NRXN3: variants seen among roughly 807,000 people sequenced by gnomAD.
NRXN3 encodes the protein neurexin 3.
A neutral mutation model predicts 137.6 loss-of-function variants in NRXN3; 32 were observed. That is an observed-to-expected ratio of 0.23 (90% CI 0.18 to 0.31). The LOEUF is 0.31. Among genes scored for constraint, NRXN3 ranks in the 10% least tolerant of loss-of-function variants. The pLI, the probability that NRXN3 is intolerant of heterozygous loss-of-function variation, is 1.00. For synonymous variants in NRXN3, 798 were observed against 784.5 expected (o/e 1.02, Z -0.29); for missense variants, 1,574 against 2,062.5 (o/e 0.76, Z 4.59).
chr14:78,722,627 T>C (rs2098465254), intron 8 of NRXN3, among the ~76,000 whole-genome samples: 1 of 152,194 alleles, frequency 6.6e-6, no homozygotes, highest in Admixed American at 6.5e-5. Context: ...TCTTAATATA[T>C]ACTGAGTCAT....
intron 16 of NRXN3, among the ~76,000 whole-genome samples, chr14:79,471,963 A>G (rs1259449247): frequency 6.6e-6 from 1 of 152,120 alleles, no homozygotes; most frequent in South Asian, 2.1e-4. Context: ...AATATCCATT[A>G]GTTATTTTTC....
intron 16 of NRXN3, among the ~76,000 whole-genome samples, chr14:79,484,165 C>T (rs576934566): frequency 1.3e-5 from 2 of 152,284 alleles, no homozygotes; most frequent in African/African-American, 4.8e-5. Flanking sequence ...GAGTCATTCC[C>T]ATTGCCCCAG....
At chr14:78,788,413 G>A (rs1567312980) in intron 8 of NRXN3, among the ~76,000 whole-genome samples, 1 of 152,144 alleles carries the variant, frequency 6.6e-6, no homozygotes, top group South Asian at 2.1e-4. Flanking sequence ...TTTGCACCTT[G>A]GAATGTGATT....
intron 15 of NRXN3, among the ~76,000 whole-genome samples, chr14:79,159,898 C>A (rs186044992): frequency 8.6e-5 from 13 of 151,956 alleles, no homozygotes; most frequent in African/African-American, 3.1e-4. Context: ...TTCTTATATG[C>A]GTTTTCCACG....
chr14:78,801,198 G>T (rs2098837702), intron 8 of NRXN3, among the ~76,000 whole-genome samples: 1 of 152,146 alleles, frequency 6.6e-6, no homozygotes, highest in Non-Finnish European at 1.5e-5. Context: ...GCAGGTGCCT[G>T]TAGTCCCAGC....
intron 15 of NRXN3, among the ~76,000 whole-genome samples, chr14:78,990,708 G>A (rs976829909): frequency 5.3e-5 from 8 of 152,148 alleles, no homozygotes; most frequent in South Asian, 2.1e-4. Context: ...CATATAGGAT[G>A]TGACTGTGAA....
chr14:78,961,577 G>A (rs552348243), intron 11 of NRXN3, among the ~76,000 whole-genome samples: 12 of 152,292 alleles, frequency 7.9e-5, no homozygotes, highest in Non-Finnish European at 1.0e-4. Flanking sequence ...AATAGCGCAC[G>A]GTTTAAGCCA....
intron 16 of NRXN3, among the ~76,000 whole-genome samples, chr14:79,500,797 G>T (rs190974856): frequency 2.6e-4 from 39 of 152,252 alleles, no homozygotes; most frequent in Non-Finnish European, 4.7e-4. Flanking sequence ...ATATATCCTA[G>T]AACTAAATAT....
intron 19 of NRXN3, among the ~76,000 whole-genome samples, chr14:79,804,410 A>G (rs1240380476): frequency 1.3e-5 from 2 of 152,176 alleles, no homozygotes; most frequent in African/African-American, 2.4e-5. Flanking sequence ...TGCGAGACTC[A>G]GAATTTAAAA....
chr14:79,307,938 G>A (rs1251485411), intron 15 of NRXN3, among the ~76,000 whole-genome samples: 2 of 152,018 alleles, frequency 1.3e-5, no homozygotes, highest in African/African-American at 2.4e-5. Flanking sequence ...CTAAAAGTCC[G>A]AGATCAAGGT....
At chr14:78,358,704 A>G (rs537696005) in intron 4 of NRXN3, among the ~76,000 whole-genome samples, 1 of 152,180 alleles carries the variant, frequency 6.6e-6, no homozygotes, top group Non-Finnish European at 1.5e-5. Context: ...TCCTCATTTG[A>G]TCCTGTCTCT....
At chr14:78,689,636 C>T (rs2098152698) in intron 6 of NRXN3, among the ~76,000 whole-genome samples, 1 of 152,108 alleles carries the variant, frequency 6.6e-6, no homozygotes, top group African/African-American at 2.4e-5. Flanking sequence ...CTATAATAAA[C>T]ATATGTAGAT....
At chr14:78,401,464 C>T (rs1020203842) in intron 4 of NRXN3, among the ~76,000 whole-genome samples, 1 of 152,074 alleles carries the variant, frequency 6.6e-6, no homozygotes, top group East Asian at 1.9e-4. Flanking sequence ...CACGTCTGGC[C>T]CAAAGGCCAC....
chr14:78,745,993 A>G (rs1018903325), intron 8 of NRXN3, among the ~76,000 whole-genome samples: 2 of 152,192 alleles, frequency 1.3e-5, no homozygotes, highest in South Asian at 4.1e-4. Flanking sequence ...AAATGTACTC[A>G]TTTATTTAAC....
intron 4 of NRXN3, among the ~76,000 whole-genome samples, chr14:78,496,844 G>T (rs944734922): frequency 6.6e-6 from 1 of 152,026 alleles, no homozygotes; most frequent in African/African-American, 2.4e-5. Flanking sequence ...GGGAGCCAGA[G>T]CATAGTAGGT....
chr14:78,530,031 C>T (rs1309471020), intron 4 of NRXN3, among the ~76,000 whole-genome samples: 1 of 152,134 alleles, frequency 6.6e-6, no homozygotes, highest in Non-Finnish European at 1.5e-5. Context: ...CCAAGTTTGG[C>T]ATCTTCTAAA....
At chr14:79,848,377 ATGCAGCCCAGGACAGCTT>A (rs2099384769) in intron 20 of NRXN3, among the ~76,000 whole-genome samples, 1 of 152,196 alleles carries the variant, frequency 6.6e-6, no homozygotes, top group Admixed American at 6.5e-5. Flanking sequence ...CACAGGGCGC[ATGCAGCCCAGGACAGCTT>A]TGAGTGTGGC....
intron 4 of NRXN3, among the ~76,000 whole-genome samples, chr14:78,489,238 G>A (rs932047861): frequency 3.9e-5 from 6 of 152,106 alleles, no homozygotes; most frequent in East Asian, 1.9e-4. Flanking sequence ...TAACTGACTC[G>A]CTCTCTCAGA....
chr14:78,954,628 C>A (rs1424774568), intron 10 of NRXN3, among the ~76,000 whole-genome samples: 6 of 151,946 alleles, frequency 3.9e-5, no homozygotes, highest in Admixed American at 3.9e-4. Flanking sequence ...CCATGCCCGG[C>A]TAGTTTTTTT....
Sources: allele counts gnomAD v4.1 joint callset (sites outside exome capture counted in the v4.1 genomes callset), GRCh38; gene constraint gnomAD v4.1.1; transcripts MANE v1.5; gene names NCBI Gene and HGNC (gene_info 2026-07-23, HGNC 2026-07-21).